COL9A1: variants seen among roughly 807,000 people sequenced by gnomAD.
COL9A1 encodes the protein collagen alpha-1(IX) chain.
Under a neutral mutation model 142.6 loss-of-function variants are expected in COL9A1, and 104 were observed. The ratio of observed to expected loss-of-function variants is 0.73; its 90% CI spans 0.62 to 0.86. The LOEUF is 0.86. COL9A1 is among the 40% of genes least tolerant of loss of function. The pLI, the probability that COL9A1 is intolerant of heterozygous loss-of-function variation, is 0.00. For synonymous variants in COL9A1, 466 were observed against 396.0 expected, an observed-to-expected ratio of 1.18 and a Z score of -2.10; for missense variants, 1,210 against 1,176.6, an observed-to-expected ratio of 1.03 and a Z score of -0.42.
chr6:70,271,747 T>C (rs1162515391), intron 13 of COL9A1, 39 bp from the exon 14 acceptor site: 1 of 1,542,402 alleles, frequency 6.5e-7, no homozygotes, highest in East Asian at 2.2e-5. Context: ...CATTTATGAA[T>C]ATTTTTACAA....
chr6:70,217,025 G>A lies in COL9A1; in HGVS notation c.2638C>T (p.Pro880Ser). 1 of 1,614,160 alleles carries A rather than the reference G, an allele frequency of 6.2e-7. No individual in the cohort carries two copies. The highest frequency in any genetic ancestry group is 8.5e-7 in the Non-Finnish European group (1 of 1,180,024). Residue 880 changes from proline (P) to serine (S), a missense_variant, in exon 38 of 38, where the codon CCA (proline) becomes TCA (serine). By Grantham distance (74) the Pro-to-Ser change is moderately conservative. Coordinates refer to ENST00000357250, the MANE Select transcript of COL9A1 (RefSeq NM_001851.6). ...ACTCCAGGAATTCCTGCCACCCCTG[G>A]GGGGCCTCGCTCACCGTCTCGGCCA... ...RNGRDGERGP[P>S]GVAGIPGVPG... is the part of the protein sequence containing the mutation.
At chr6:70,282,980 C>A in intron 6 of COL9A1, 62 bp from the exon 7 acceptor site, 2 of 1,614,042 alleles carry the variant, frequency 1.2e-6, no homozygotes, top group South Asian at 2.2e-5. Flanking sequence ...TCGCAACTTA[C>A]TTGAGCCGCG....
Position 70,255,146 on chromosome 6 carries a change from A to G in COL9A1, c.1611+4T>C, listed in dbSNP as rs778596843. ...GTGCTTGATGACTACAGCTCAGGAC[A>G]TACCGTGTCTCCTTTGGGCCCAGGG... On this transcript the variant is annotated splice_donor_region_variant and intron_variant, in intron 23 of 37. Transcript: ENST00000357250. The G allele has an allele frequency of 6.2e-7, 1 of 1,614,204 alleles. No homozygotes were observed. Among genetic ancestry groups the G allele is most frequent in the Non-Finnish European group, 8.5e-7 (1 of 1,180,020 alleles).
At chr6:70,260,853 A>T in intron 19 of COL9A1, 143 bp from the exon 20 acceptor site, 1 of 689,972 alleles carries the variant, frequency 1.4e-6, no homozygotes, top group Admixed American at 2.8e-5. Flanking sequence ...TATATAGACA[A>T]ACATTTCTAG....
At position 70,281,308 on chromosome 6, in the gene COL9A1, A is replaced by G. The variant is rs1773146501; in HGVS notation, c.876+82T>C. On this transcript the variant is annotated intron_variant, in intron 8 of 37. Transcript: ENST00000357250. The stretch of plus-strand genomic sequence containing the variant: ...AGACCCTGGTCCTCTCTGAAAAAAA[A>G]AAAAACCCCACAGGAGCCCTGGGAA... 4.2e-6 allele frequency: 6 copies of G among 1,414,288 alleles called. No individual in the cohort carries two copies. The East Asian group carries it at 1.2e-4, about 27-fold the overall frequency. The allele number at this position is 1,414,288 out of a possible 1,614,324, so 87.6% of individuals were successfully genotyped here.
At chr6:70,218,958 A>G (rs951028246) in intron 37 of COL9A1, among the ~76,000 whole-genome samples, 1 of 152,196 alleles carries the variant, frequency 6.6e-6, no homozygotes, top group Non-Finnish European at 1.5e-5. Context: ...TATCCCATAT[A>G]CTTTCATTCA....
intron 26 of COL9A1, 106 bp downstream of exon 26, chr6:70,253,279 C>T (rs1173450985): frequency 2.6e-6 from 2 of 782,758 alleles, no homozygotes; most frequent in Non-Finnish European, 4.2e-6. Context: ...TCCCTAGGGC[C>T]AAATATAAAA....
At chr6:70,254,861 A>G in intron 24 of COL9A1, 102 bp downstream of exon 24, 1 of 1,094,588 alleles carries the variant, frequency 9.1e-7, no homozygotes, top group Admixed American at 1.9e-5. Flanking sequence ...AGCCAAAGCT[A>G]GCTAAATAAA....
At chr6:70,269,404 T>C (rs539263229) in intron 16 of COL9A1, among the ~76,000 whole-genome samples, 2 of 152,258 alleles carry the variant, frequency 1.3e-5, no homozygotes, top group East Asian at 3.9e-4. Flanking sequence ...GTCTTAGTCA[T>C]AAAGTAAAAA....
intron 4 of COL9A1, among the ~76,000 whole-genome samples, chr6:70,296,658 C>A (rs1773860058): frequency 6.6e-6 from 1 of 151,928 alleles, no homozygotes; most frequent in Non-Finnish European, 1.5e-5. Flanking sequence ...ATTATAAAAC[C>A]TTATGGAAGT....
At chr6:70,270,399 T>A in intron 14 of COL9A1, 32 bp from the exon 15 acceptor site, 2 of 1,593,762 alleles carry the variant, frequency 1.3e-6, no homozygotes, top group Non-Finnish European at 1.7e-6. Flanking sequence ...ACACAGTGGT[T>A]ATACATGTGT....
chr6:70,242,732 A>T lies in COL9A1; in HGVS notation c.1873-17T>A. ...TCTACTGCCCTGTAAAAACACAAACATTGTCAATTGGATATTTTGCCAAAA... is the reference window on the plus strand; with the variant it reads ...TCTACTGCCCTGTAAAAACACAAACTTTGTCAATTGGATATTTTGCCAAAA... On this transcript the variant is annotated splice_polypyrimidine_tract_variant and intron_variant, in intron 28 of 37. Coordinates refer to ENST00000357250, the MANE Select transcript of COL9A1 (RefSeq NM_001851.6). The T allele has an allele frequency of 6.2e-7, 1 of 1,612,504 alleles. No homozygotes were observed. The highest frequency in any genetic ancestry group is 1.1e-5 in the South Asian group (1 of 91,048).
At chr6:70,273,940 A>T in intron 12 of COL9A1, 107 bp downstream of exon 12, 1 of 457,816 alleles carries the variant, frequency 2.2e-6, no homozygotes, top group East Asian at 6.2e-5. Flanking sequence ...TTAAAGTATA[A>T]TAATAAATAA....
intron 6 of COL9A1, among the ~76,000 whole-genome samples, 196 bp downstream of exon 6, chr6:70,283,541 G>A (rs1186072208): frequency 6.6e-6 from 1 of 152,202 alleles, no homozygotes; most frequent in East Asian, 1.9e-4. Context: ...GGCTGCAGGT[G>A]GTTTCTACCC....
At chr6:70,254,930 C>A in intron 24 of COL9A1, 33 bp downstream of exon 24, 1 of 1,602,616 alleles carries the variant, frequency 6.2e-7, no homozygotes, top group Non-Finnish European at 8.6e-7. Flanking sequence ...AGAGACAGCC[C>A]CACTCACTCT....
At chr6:70,241,816 C>A in intron 30 of COL9A1, 148 bp downstream of exon 30, 1 of 768,866 alleles carries the variant, frequency 1.3e-6, no homozygotes, top group South Asian at 1.6e-5. Flanking sequence ...TTAATCTCAA[C>A]TCTGAGTAAT....
chr6:70,290,605 G>A (rs923317634), intron 5 of COL9A1, among the ~76,000 whole-genome samples: 3 of 148,080 alleles, frequency 2.0e-5, no homozygotes, highest in African/African-American at 7.7e-5. Flanking sequence ...ATAGGCAGGG[G>A]GAAAATAGCA....
In COL9A1 at chr6:70,294,152, T is replaced by G; in HGVS notation, c.696+15A>C. On this transcript the variant is annotated intron_variant, in intron 5 of 37. Coordinates refer to ENST00000357250, the MANE Select transcript of COL9A1 (RefSeq NM_001851.6). ...TTTTGCTTTAATCTGCCATAGTGTG[T>G]GGTTTTATACTTACTGGAACAGAAA... is the stretch of plus-strand genomic sequence containing the variant. 1.2e-6 allele frequency: 2 copies of G among 1,613,928 alleles called. No homozygotes were observed. Among genetic ancestry groups the G allele is most frequent in the Non-Finnish European group, 1.7e-6 (2 of 1,179,864 alleles).
intron 36 of COL9A1, among the ~76,000 whole-genome samples, chr6:70,232,375 A>G (rs1378195469): frequency 6.6e-6 from 1 of 152,234 alleles, no homozygotes; most frequent in Non-Finnish European, 1.5e-5. Flanking sequence ...TAATTCTAGT[A>G]TTTGGTCTAC....
Sources: allele counts gnomAD v4.1 joint callset (sites outside exome capture counted in the v4.1 genomes callset), GRCh38; gene constraint gnomAD v4.1.1; transcripts MANE v1.5; gene names NCBI Gene and HGNC (gene_info 2026-07-23, HGNC 2026-07-21).